VPS39: variants seen among roughly 807,000 people sequenced by gnomAD.
The protein encoded by VPS39 is vam6/Vps39-like protein.
VPS39 carries 70 observed loss-of-function variants against 121.0 expected under a neutral mutation model. The ratio of observed to expected loss-of-function variants is 0.58; its 90% CI spans 0.48 to 0.71. VPS39 has a LOEUF of 0.71. Ranked by LOEUF, VPS39 falls within the 30% of genes least tolerant of loss-of-function variation. The pLI, the probability that VPS39 is intolerant of heterozygous loss-of-function variation, is 0.00. For missense variants in VPS39, 818 were observed against 1,051.5 expected, an observed-to-expected ratio of 0.78 and a Z score of 3.07; for synonymous variants, 378 against 398.1, an observed-to-expected ratio of 0.95 and a Z score of 0.60.
Position 42,165,083 on chromosome 15 carries a change from C to G in VPS39, c.1810G>C (p.Gly604Arg), listed in dbSNP as rs1595639952. ...EHIIHVWEET[G>R]SRFHNCLIQL... ...ATCAGGCAGTTGTGGAACCGAGAGCCTGTCTCCTCCCAAACATGGATGATG... is the reference window on the plus strand; with the variant it reads ...ATCAGGCAGTTGTGGAACCGAGAGCGTGTCTCCTCCCAAACATGGATGATG... Residue 604 changes from glycine (G) to arginine (R), a missense_variant, in exon 18 of 25, where the codon GGC (glycine) becomes CGC (arginine). Transcript: ENST00000318006. The G allele has an allele frequency of 6.2e-7, 1 of 1,614,126 alleles. No individual in the cohort carries two copies. The highest frequency in any genetic ancestry group is 1.3e-5 in the African/African-American group (1 of 74,946).
chr15:42,207,955 G>T, intron 1 of VPS39, 126 bp downstream of exon 1: 3 of 994,476 alleles, frequency 3.0e-6, no homozygotes, highest in Non-Finnish European at 3.0e-6. Flanking sequence ...CTCATCCTAA[G>T]CCCCTCTCGT....
At chr15:42,207,246 T>C (rs891729953) in intron 1 of VPS39, among the ~76,000 whole-genome samples, 11 of 152,214 alleles carry the variant, frequency 7.2e-5, no homozygotes, top group Admixed American at 3.3e-4. Flanking sequence ...TGAATCATCT[T>C]TTTATGGTCC....
At chr15:42,187,160 C>A (rs566822423) in intron 7 of VPS39, 111 bp downstream of exon 7, 2 of 737,744 alleles carry the variant, frequency 2.7e-6, no homozygotes, top group African/African-American at 3.6e-5. Flanking sequence ...AATAACAAAT[C>A]CTGTTATGCC....
At chr15:42,170,909 T>C (rs1340851291) in intron 11 of VPS39, among the ~76,000 whole-genome samples, 1 of 152,060 alleles carries the variant, frequency 6.6e-6, no homozygotes, top group African/African-American at 2.4e-5. Flanking sequence ...TATTTTTAAA[T>C]TTTTTGTAAA....
chr15:42,168,196 G>A, intron 12 of VPS39, among the ~76,000 whole-genome samples: 1 of 152,214 alleles, frequency 6.6e-6, no homozygotes. Context: ...CACAATACTA[G>A]TGTCAGTTAC....
chr15:42,207,053 G>A (rs1336005985), intron 1 of VPS39, among the ~76,000 whole-genome samples: 2 of 152,120 alleles, frequency 1.3e-5, no homozygotes, highest in Non-Finnish European at 2.9e-5. Context: ...AAGGAGGAAG[G>A]GTGCACATTA....
In VPS39 at chr15:42,184,695, A is replaced by G. The variant is rs769475036; in HGVS notation, c.540T>C (p.Asp180=). 1 of 1,610,542 alleles carries G rather than the reference A, an allele frequency of 6.2e-7. No individual in the cohort carries two copies. The highest frequency in any genetic ancestry group is 8.5e-7 in the Non-Finnish European group (1 of 1,178,166). Residue 180 remains aspartate, a synonymous_variant, in exon 8 of 25, where the codon GAT becomes GAC. Transcript: ENST00000318006. The part of the protein sequence containing the change: ...FKRDYYLIRV[D]GKGSIKELFP... The stretch of plus-strand genomic sequence containing the variant: ...AGAGCTCTTTGATGGACCCCTTTCC[A>G]TCCACCTATAGGAAGAAACAGAGTG...
Position 42,164,401 on chromosome 15 carries a change from G to A in VPS39, c.1983C>T (p.Ser661=), listed in dbSNP as rs775268164. 39 of 1,614,064 alleles carry A rather than the reference G, an allele frequency of 2.4e-5. No homozygotes were observed. In the East Asian group the frequency reaches 8.7e-4, roughly 36 times the overall value. Residue 661 remains serine, a synonymous_variant, in exon 19 of 25, where the codon AGC becomes AGT. Transcript: ENST00000318006. ...AGATGAGCCGGCCTGGATCATAGTA[G>A]CTGGAAATCTCCAAGAACATGAGGA... is the stretch of plus-strand genomic sequence containing the variant. The part of the protein sequence containing the change: ...QKLLMFLEIS[S]YYDPGRLICD...
chr15:42,166,662 C>G lies in VPS39; in HGVS notation c.1520-13G>C. 1 of 1,614,144 alleles carries G rather than the reference C, an allele frequency of 6.2e-7. No individual in the cohort carries two copies. The highest frequency in any genetic ancestry group is 8.5e-7 in the Non-Finnish European group (1 of 1,180,038). The stretch of plus-strand genomic sequence containing the variant: ...AGCACCTGCAGAGCTGGCCACCAAG[C>G]CCAAGAACAAGGTCATGAGCCTTTT... On this transcript the variant is annotated splice_polypyrimidine_tract_variant and intron_variant, in intron 14 of 24. Coordinates refer to ENST00000318006, the MANE Select transcript of VPS39 (RefSeq NM_015289.5).
chr15:42,184,715 AGAGT>A lies in VPS39; in HGVS notation c.535-19_535-16del, dbSNP rs2140869539. 2 of 1,599,592 alleles carry A rather than the reference AGAGT, an allele frequency of 1.3e-6. No individual in the cohort carries two copies. Among genetic ancestry groups the A allele is most frequent in the Non-Finnish European group, 8.5e-7 (1 of 1,173,298 alleles). On this transcript the variant is annotated splice_polypyrimidine_tract_variant and intron_variant, in intron 7 of 24. Coordinates refer to ENST00000318006, the MANE Select transcript of VPS39 (RefSeq NM_015289.5). ...TTTCCATCCACCTATAGGAAGAAAC[AGAGT>A]GAGTCACCTAGCATTCCCCAGCCAG... is the stretch of plus-strand genomic sequence containing the variant.
At chr15:42,182,085 A>C (rs922373448) in intron 8 of VPS39, among the ~76,000 whole-genome samples, 3 of 152,264 alleles carry the variant, frequency 2.0e-5, no homozygotes, top group African/African-American at 7.2e-5. Context: ...ATAGTACAAT[A>C]AAATTTCAAA....
intron 19 of VPS39, 57 bp from the exon 20 acceptor site, chr15:42,163,785 G>C: frequency 7.8e-7 from 1 of 1,287,014 alleles, no homozygotes; most frequent in Non-Finnish European, 1.1e-6. Flanking sequence ...CACAAGGTGG[G>C]GGCTATGCTG....
chr15:42,166,141 G>C lies in VPS39; in HGVS notation c.1680+18C>G. On this transcript the variant is annotated intron_variant, in intron 16 of 24. Transcript: ENST00000318006. ...CCAAGTGTTTACCAGATAAATCCAA[G>C]GGACTCCTGTGGCTCACCTTCAGGC... The C allele has an allele frequency of 6.2e-7, 1 of 1,611,926 alleles. No homozygotes were observed. Among genetic ancestry groups the C allele is most frequent in the African/African-American group, 1.3e-5 (1 of 74,996 alleles).
chr15:42,163,241 C>A (rs370019555), intron 21 of VPS39, 109 bp downstream of exon 21: 3 of 1,329,042 alleles, frequency 2.3e-6, no homozygotes, highest in Middle Eastern at 1.8e-4. Flanking sequence ...TCAATCAGAG[C>A]CCTGACTCGT....
chr15:42,168,197 T>A (rs1352669092), intron 12 of VPS39, among the ~76,000 whole-genome samples: 1 of 152,238 alleles, frequency 6.6e-6, no homozygotes, highest in African/African-American at 2.4e-5. Flanking sequence ...ACAATACTAG[T>A]GTCAGTTACT....
At chr15:42,166,443 T>C (rs1287200606) in intron 15 of VPS39, 120 bp downstream of exon 15, 130 of 1,236,856 alleles carry the variant, frequency 1.1e-4, no homozygotes, top group Middle Eastern at 5.7e-4. Flanking sequence ...TTTGGAGGAA[T>C]GAAATTGAGT....
At chr15:42,161,136 A>C (rs1209110171) in intron 24 of VPS39, 1 of 378,548 alleles carries the variant, frequency 2.6e-6, no homozygotes, top group African/African-American at 2.0e-5. Flanking sequence ...GCTTCCTGAG[A>C]GCCAACAATG....
intron 1 of VPS39, among the ~76,000 whole-genome samples, chr15:42,202,624 T>C (rs923427920): frequency 3.9e-5 from 6 of 152,172 alleles, no homozygotes; most frequent in African/African-American, 1.4e-4. Context: ...ATAATGTTCA[T>C]CATCTTCCCC....
chr15:42,206,872 CT>C (rs2050183931), intron 1 of VPS39, among the ~76,000 whole-genome samples: 1 of 152,178 alleles, frequency 6.6e-6, no homozygotes, highest in Non-Finnish European at 1.5e-5. Flanking sequence ...AGTGTCAGGT[CT>C]TTCATTTAAA....
Sources: gnomAD v4.1 joint callset for allele counts (sites outside exome capture counted in the v4.1 genomes callset) on GRCh38, gnomAD v4.1.1 for gene constraint, MANE v1.5 for transcripts, NCBI Gene and HGNC (gene_info 2026-07-23, HGNC 2026-07-21) for gene names.